GAP43: variants seen among roughly 807,000 people sequenced by gnomAD.
GAP43 encodes neuromodulin.
GAP43 carries 6 observed loss-of-function variants against 18.6 expected under a neutral mutation model. The ratio of observed to expected loss-of-function variants is 0.32; its 90% CI spans 0.18 to 0.64. The LOEUF (loss-of-function observed/expected upper bound fraction) is 0.64, where lower values mean the gene tolerates loss of function less well. GAP43 is among the 30% of genes least tolerant of loss of function. GAP43 has a pLI of 0.78. For missense variants in GAP43, 292 were observed against 295.5 expected (o/e 0.99, Z 0.09); for synonymous variants, 115 against 111.4 (o/e 1.03, Z -0.20).
At chr3:115,674,896 T>G (rs1213138439) in intron 1 of GAP43, among the ~76,000 whole-genome samples, 7 of 152,224 alleles carry the variant, frequency 4.6e-5, no homozygotes, top group African/African-American at 1.7e-4. Context: ...TGTCTTGAAT[T>G]TATTAATTTC....
chr3:115,663,993 CT>C (rs1488845699), intron 1 of GAP43: 22 of 1,384,434 alleles, frequency 1.6e-5, no homozygotes, highest in Non-Finnish European at 1.7e-5. Flanking sequence ...AGCTGTATGA[CT>C]TTGAGCAAAT....
intron 2 of GAP43, among the ~76,000 whole-genome samples, chr3:115,686,201 A>G (rs1240579495): frequency 6.6e-6 from 1 of 152,212 alleles, no homozygotes; most frequent in Non-Finnish European, 1.5e-5. Context: ...GATTAATTTT[A>G]TTTTGATAAT....
chr3:115,633,497 T>C (rs1186107278), intron 1 of GAP43, among the ~76,000 whole-genome samples: 10 of 152,216 alleles, frequency 6.6e-5, no homozygotes. Flanking sequence ...AAGGAACTTA[T>C]CTCAAGTGTG....
intron 1 of GAP43, chr3:115,663,953 T>C: frequency 6.5e-7 from 1 of 1,547,236 alleles, no homozygotes; most frequent in Non-Finnish European, 8.7e-7. Context: ...ACAAGTATTT[T>C]AGGTTAAAAC....
intron 1 of GAP43, among the ~76,000 whole-genome samples, chr3:115,635,398 A>C (rs904880272): frequency 3.9e-5 from 6 of 152,254 alleles, no homozygotes; most frequent in Admixed American, 1.3e-4. Flanking sequence ...CTGTATAGAA[A>C]ACCTAAGGAC....
At position 115,720,791 on chromosome 3, in the gene GAP43, C is replaced by T. The variant is rs905079334; in HGVS notation, c.629-3C>T. 1 of 1,609,470 alleles carries T rather than the reference C, an allele frequency of 6.2e-7. No homozygotes were observed. Among genetic ancestry groups the T allele is most frequent in the South Asian group, 1.1e-5 (1 of 90,798 alleles). ...CCCCATCCTATCTTGTTTTCTTTCT[C>T]AGAAGCTGTAGATGAAACCAAACCT... is the stretch of plus-strand genomic sequence containing the variant. On this transcript the variant is annotated splice_region_variant and splice_polypyrimidine_tract_variant and intron_variant, in intron 2 of 2. Transcript: ENST00000305124.
chr3:115,717,599 G>A (rs1214891067), intron 2 of GAP43, among the ~76,000 whole-genome samples: 2 of 150,998 alleles, frequency 1.3e-5, no homozygotes, highest in African/African-American at 2.4e-5. Context: ...GTGAGCCACC[G>A]CACCCAGCCT....
chr3:115,708,868 C>T (rs1002673923), intron 2 of GAP43, among the ~76,000 whole-genome samples: 3 of 148,240 alleles, frequency 2.0e-5, no homozygotes, highest in Non-Finnish European at 3.0e-5. Flanking sequence ...CTGAAAGGCA[C>T]GTGGAGAGAT....
At chr3:115,697,968 TCA>T (rs1709218846) in intron 2 of GAP43, among the ~76,000 whole-genome samples, 1 of 114,556 alleles carries the variant, frequency 8.7e-6, no homozygotes, top group South Asian at 2.9e-4. Flanking sequence ...GCATAAAAAT[TCA>T]CAGAGTACAT....
intron 1 of GAP43, among the ~76,000 whole-genome samples, chr3:115,670,161 C>A (rs1304271032): frequency 2.8e-5 from 3 of 107,368 alleles, no homozygotes; most frequent in Non-Finnish European, 5.6e-5. Context: ...CCGACCCCAC[C>A]ACAGTCCCCA....
At chr3:115,697,678 G>A (rs1709214273) in intron 2 of GAP43, among the ~76,000 whole-genome samples, 1 of 152,100 alleles carries the variant, frequency 6.6e-6, no homozygotes, top group South Asian at 2.1e-4. Context: ...AAACCACTGG[G>A]AATTCTGCCC....
intron 1 of GAP43, among the ~76,000 whole-genome samples, chr3:115,657,129 T>A (rs901645445): frequency 2.6e-5 from 4 of 152,116 alleles, no homozygotes; most frequent in Non-Finnish European, 5.9e-5. Context: ...ATAAAATGAT[T>A]TCTTATGATG....
chr3:115,718,348 T>G (rs1423197483), intron 2 of GAP43, among the ~76,000 whole-genome samples: 1 of 152,200 alleles, frequency 6.6e-6, no homozygotes, highest in Admixed American at 6.5e-5. Context: ...AAGCAAACTC[T>G]CCAAAAGAAT....
rs28399396 is a variant in GAP43, at chr3:115,677,625, A to G, written c.628+1015A>G. 4.8e-3 allele frequency among the ~76,000 whole-genome samples: 734 copies of G among 152,272 alleles called. 5 individuals carry two copies. Among genetic ancestry groups the G allele is most frequent in the African/African-American group, 0.017 (712 of 41,552 alleles). ...GACCGATAAATACTTTCCAGCCCCAAAGATCCTCAAAGATAAAGTTTCTTC... is the reference window on the plus strand; with the variant it reads ...GACCGATAAATACTTTCCAGCCCCAGAGATCCTCAAAGATAAAGTTTCTTC... On this transcript the variant is annotated intron_variant, in intron 2 of 2. Transcript: ENST00000305124.
At chr3:115,643,465 A>G in intron 1 of GAP43, among the ~76,000 whole-genome samples, 1 of 152,068 alleles carries the variant, frequency 6.6e-6, no homozygotes, top group East Asian at 1.9e-4. Flanking sequence ...GCACTGAAAA[A>G]TCTTACTGAT....
chr3:115,680,052 C>T (rs1708941916), intron 2 of GAP43, among the ~76,000 whole-genome samples: 1 of 152,138 alleles, frequency 6.6e-6, no homozygotes, highest in African/African-American at 2.4e-5. Flanking sequence ...TCCTTCCTTC[C>T]TCCCTCCTTC....
rs1708440407 is a variant in GAP43, at chr3:115,644,965, A to G, written c.30+21246A>G. 6.6e-6 allele frequency among the ~76,000 whole-genome samples: 1 copy of G among 152,044 alleles called. No homozygotes were observed. Reference sequence around the variant, plus strand: ...ATCTAACAGTCTTGTTGAGGCAGGGAGCCTAAAGAAGCTATTCAATCTTTT... The same window carrying G: ...ATCTAACAGTCTTGTTGAGGCAGGGGGCCTAAAGAAGCTATTCAATCTTTT... On this transcript the variant is annotated intron_variant, in intron 1 of 2. Transcript: ENST00000305124. The surrounding 1 kb of genome is among the most constrained non-coding windows in gnomAD (Gnocchi z 4.2).
rs143796964 is a variant in GAP43, at chr3:115,676,525, C to G, written c.543C>G (p.Thr181=). 341 of 1,613,710 alleles carry G rather than the reference C, an allele frequency of 2.1e-4. No individual in the cohort carries two copies. The highest frequency in any genetic ancestry group is 2.8e-4 in the Non-Finnish European group (330 of 1,180,018). ...CTGTCACTGCTGCTGCTGCCACCAC[C>G]CCTGCCGCAGAGGATGCTGCTGCCA... ...PAAVTAAAAT[T]PAAEDAAAKA... The change falls in exon 2 of 3, where the codon ACC becomes ACG. Residue 181 remains threonine (T), a synonymous_variant. Coordinates refer to ENST00000305124, the MANE Select transcript of GAP43 (RefSeq NM_002045.4).
At chr3:115,700,758 C>T (rs1454707396) in intron 2 of GAP43, among the ~76,000 whole-genome samples, 1 of 152,138 alleles carries the variant, frequency 6.6e-6, no homozygotes, top group Non-Finnish European at 1.5e-5. Flanking sequence ...TCTGAAATCT[C>T]ATAAAAACCT....
Sources: allele counts gnomAD v4.1 joint callset (sites outside exome capture counted in the v4.1 genomes callset), GRCh38; gene constraint gnomAD v4.1.1; non-coding constraint Gnocchi (gnomAD v3.1); transcripts MANE v1.5; gene names NCBI Gene and HGNC (gene_info 2026-07-23, HGNC 2026-07-21).